HLCS: variants seen among roughly 807,000 people sequenced by gnomAD.
HLCS encodes the protein biotin--protein ligase.
Under a neutral mutation model 75.0 loss-of-function variants are expected in HLCS, and 53 were observed. That is an observed-to-expected ratio of 0.71 (90% CI 0.57 to 0.89). The LOEUF is 0.89. HLCS is among the 40% of genes least tolerant of loss of function. The pLI is 0.00. For missense variants in HLCS, 966 were observed against 1,074.0 expected (o/e 0.90, Z 1.41); for synonymous variants, 431 against 428.6 (o/e 1.01, Z -0.07).
intron 5 of HLCS, among the ~76,000 whole-genome samples, chr21:36,913,268 A>G (rs766725300): frequency 5.3e-5 from 8 of 152,196 alleles, no homozygotes; most frequent in Non-Finnish European, 7.3e-5. Flanking sequence ...GTCCTCACAA[A>G]GAGACCTACC....
At chr21:36,853,030 GC>G (rs1486376950) in intron 6 of HLCS, among the ~76,000 whole-genome samples, 6 of 152,156 alleles carry the variant, frequency 3.9e-5, no homozygotes, top group African/African-American at 1.4e-4. Flanking sequence ...ATAACTTTTT[GC>G]CATGGGTTTT....
At chr21:36,773,619 C>T (rs1287428743) in intron 6 of HLCS, among the ~76,000 whole-genome samples, 2 of 152,090 alleles carry the variant, frequency 1.3e-5, no homozygotes, top group African/African-American at 4.8e-5. Context: ...TCTTCTTTAC[C>T]CCCCAGTTTT....
At chr21:36,769,703 C>T (rs1405053538) in intron 6 of HLCS, among the ~76,000 whole-genome samples, 1 of 152,224 alleles carries the variant, frequency 6.6e-6, no homozygotes, top group Non-Finnish European at 1.5e-5. Flanking sequence ...CTAAGGGTCA[C>T]TCTGCAAATG....
chr21:36,891,480 G>A (rs1183381516), intron 6 of HLCS, among the ~76,000 whole-genome samples: 1 of 152,152 alleles, frequency 6.6e-6, no homozygotes, highest in Non-Finnish European at 1.5e-5. Flanking sequence ...CCAGAAACAA[G>A]GCCTAAAAAT....
chr21:36,970,665 A>T (rs35662085), upstream of HLCS, among the ~76,000 whole-genome samples: 24 of 151,120 alleles, frequency 1.6e-4, no homozygotes, highest in African/African-American at 5.6e-4. Context: ...CACCGTGCCC[A>T]GCCTGGGATA....
rs115946650 is a variant in HLCS, at chr21:36,933,894, C to T, written c.1437+2555G>A. Among the ~76,000 whole-genome samples the T allele has an allele frequency of 3.5e-3, 534 of 152,208 alleles. 2 individuals carry two copies. The highest frequency in any genetic ancestry group is 0.012 in the African/African-American group (485 of 41,526). ...TTTTCACATGAGAACGATGCCAGGA[C>T]GGAAAACAGGATGGCGCTACAAGCG... On this transcript the variant is annotated intron_variant, in intron 4 of 10. Transcript: ENST00000674895.
At chr21:36,988,856 GT>G (rs2069278169) in intron 1 of HLCS, among the ~76,000 whole-genome samples, 1 of 152,062 alleles carries the variant, frequency 6.6e-6, no homozygotes, top group African/African-American at 2.4e-5. Context: ...GTCAGTTCAT[GT>G]TTTTTGCCTA....
Position 36,966,490 on chromosome 21 carries a change from ACG to A in HLCS, c.147_148del (p.Cys51ProfsTer17). The A allele has an allele frequency of 1.0e-6, 1 of 974,630 alleles. No individual in the cohort carries two copies. The highest frequency in any genetic ancestry group is 4.9e-5 in the South Asian group (1 of 20,514). 60.4% of individuals were successfully genotyped at this position (974,630 alleles called of 1,614,324 possible). A position where few individuals can be genotyped will look rare whatever the true frequency, so the allele number is the denominator to read the frequency against. ...GACGCGGCCGCCACGGCTCAGGCAC[ACG>A]CGGGCGCCCGGGGGCTGCGCGGCCG... On this transcript the variant is annotated frameshift_variant, in exon 1 of 11. Coordinates refer to ENST00000674895, the MANE Select transcript of HLCS (RefSeq NM_001352514.2). LOFTEE classifies it high-confidence loss of function.
chr21:36,822,420 ACT>A (rs907609162), intron 6 of HLCS, among the ~76,000 whole-genome samples: 77 of 152,114 alleles, frequency 5.1e-4, no homozygotes, highest in African/African-American at 1.8e-3. Context: ...ACGGAGCAAG[ACT>A]CTGTCTTGGA....
At chr21:36,962,920 C>T (rs1312643564) in intron 1 of HLCS, among the ~76,000 whole-genome samples, 1 of 152,044 alleles carries the variant, frequency 6.6e-6, no homozygotes. Flanking sequence ...CACAGGGCAC[C>T]AGGCAGTTTT....
chr21:36,861,701 C>T (rs954367786), intron 6 of HLCS, among the ~76,000 whole-genome samples: 8 of 152,188 alleles, frequency 5.3e-5, no homozygotes, highest in African/African-American at 1.9e-4. Flanking sequence ...AGAGTACCTC[C>T]CTCTTACATC....
chr21:36,899,940 C>A (rs909591299), intron 5 of HLCS, among the ~76,000 whole-genome samples: 1 of 151,980 alleles, frequency 6.6e-6, no homozygotes, highest in African/African-American at 2.4e-5. Flanking sequence ...TCCATCTCTA[C>A]TAAAAATACA....
chr21:36,913,662 G>C (rs1569184616), intron 5 of HLCS, among the ~76,000 whole-genome samples: 1 of 152,128 alleles, frequency 6.6e-6, no homozygotes, highest in Non-Finnish European at 1.5e-5. Flanking sequence ...TTGGGAAGCT[G>C]AGGCAGAAGA....
At chr21:36,893,810 G>A (rs1467766125) in intron 6 of HLCS, among the ~76,000 whole-genome samples, 1 of 152,212 alleles carries the variant, frequency 6.6e-6, no homozygotes, top group African/African-American at 2.4e-5. Flanking sequence ...ACAGCCCGGG[G>A]GTCGGGGATC....
At chr21:36,878,910 T>G (rs1457216539) in intron 6 of HLCS, among the ~76,000 whole-genome samples, 1 of 152,172 alleles carries the variant, frequency 6.6e-6, no homozygotes, top group East Asian at 1.9e-4. Flanking sequence ...CTTCTATCAC[T>G]TACTCTTTAT....
In HLCS at chr21:36,753,024, G is replaced by A. The variant is rs1368784119; in HGVS notation, c.*1222C>T. 5 of 152,654 alleles carry A rather than the reference G, an allele frequency of 3.3e-5. No individual in the cohort carries two copies. Among genetic ancestry groups the A allele is most frequent in the African/African-American group, 1.2e-4 (5 of 41,448 alleles). The allele number at this position is 152,654 out of a possible 1,614,324, so 9.5% of individuals were successfully genotyped here. On this transcript the variant is annotated 3_prime_UTR_variant, in exon 11 of 11. Transcript: ENST00000674895. This position sits in a 1 kb window ranked among gnomAD's most constrained non-coding sequence, Gnocchi z 4.3. Reference sequence around the variant, plus strand: ...TCATAAGTTCAACAGAGATAGGAGGGACATGGAAAAGGCATGGCGTACATC... The same window carrying A: ...TCATAAGTTCAACAGAGATAGGAGGAACATGGAAAAGGCATGGCGTACATC...
chr21:36,984,701 A>C (rs1179649320), intron 1 of HLCS, among the ~76,000 whole-genome samples: 2 of 152,328 alleles, frequency 1.3e-5, no homozygotes, highest in East Asian at 3.9e-4. Context: ...AATGGGTACA[A>C]TGTACATGAT....
At chr21:36,896,838 T>C in intron 6 of HLCS, 22 bp downstream of exon 6, 2 of 1,613,648 alleles carry the variant, frequency 1.2e-6, no homozygotes, top group Non-Finnish European at 1.7e-6. Flanking sequence ...TCTGAGCAGA[T>C]GCAGACCTGC....
chr21:36,969,109 A>C (rs1340629393), upstream of HLCS, among the ~76,000 whole-genome samples: 1 of 152,176 alleles, frequency 6.6e-6, no homozygotes, highest in African/African-American at 2.4e-5. Context: ...TGGGGAAGGA[A>C]TAGAGGGAGG....
Sources: gnomAD v4.1 joint callset for allele counts (sites outside exome capture counted in the v4.1 genomes callset) on GRCh38, gnomAD v4.1.1 for gene constraint, Gnocchi (gnomAD v3.1) non-coding constraint, MANE v1.5 for transcripts, NCBI Gene and HGNC (gene_info 2026-07-23, HGNC 2026-07-21) for gene names.